DOCK1: variants seen among roughly 807,000 people sequenced by gnomAD.
The protein encoded by DOCK1 is dedicator of cytokinesis protein 1.
A neutral mutation model predicts 262.7 loss-of-function variants in DOCK1; 138 were observed. That is an observed-to-expected ratio of 0.53 (90% CI 0.46 to 0.61). DOCK1 has a LOEUF of 0.61. DOCK1 is among the 20% of genes least tolerant of loss of function. The pLI is 0.00. For missense variants in DOCK1, 1,908 were observed against 2,370.7 expected (o/e 0.80, Z 4.05); for synonymous variants, 866 against 867.4 (o/e 1.00, Z 0.03).
At chr10:127,146,936 C>T (rs942141750) in intron 27 of DOCK1, among the ~76,000 whole-genome samples, 5 of 152,152 alleles carry the variant, frequency 3.3e-5, no homozygotes, top group African/African-American at 1.2e-4. Flanking sequence ...ACTATCCTGA[C>T]CAGCTTTCTT....
intron 18 of DOCK1, among the ~76,000 whole-genome samples, chr10:127,033,801 C>T (rs2043402772): frequency 6.6e-6 from 1 of 152,064 alleles, no homozygotes; most frequent in African/African-American, 2.4e-5. Context: ...GGCATGCGAG[C>T]CCTGGGTCAA....
chr10:127,184,070 T>C (rs2055989482), intron 27 of DOCK1, among the ~76,000 whole-genome samples: 1 of 152,168 alleles, frequency 6.6e-6, no homozygotes. Flanking sequence ...CAGTGGTCTT[T>C]CTTGGGAAGC....
At chr10:126,961,713 G>A (rs2037236850) in intron 1 of DOCK1, among the ~76,000 whole-genome samples, 1 of 152,214 alleles carries the variant, frequency 6.6e-6, no homozygotes, top group Non-Finnish European at 1.5e-5. Context: ...TCCACTGTAT[G>A]TATGTGTAAC....
At chr10:127,237,075 T>C (rs1329661544) in intron 27 of DOCK1, among the ~76,000 whole-genome samples, 1 of 152,168 alleles carries the variant, frequency 6.6e-6, no homozygotes, top group Non-Finnish European at 1.5e-5. Flanking sequence ...CCAAAAAATA[T>C]TGGCCGGGCG....
intron 29 of DOCK1, among the ~76,000 whole-genome samples, chr10:127,271,074 T>A (rs2060550362): frequency 6.6e-6 from 1 of 152,014 alleles, no homozygotes; most frequent in South Asian, 2.1e-4. Context: ...ATAAGATCCT[T>A]GGGTCAGGTA....
intron 1 of DOCK1, among the ~76,000 whole-genome samples, chr10:126,952,272 T>A (rs1447569518): frequency 1.3e-5 from 2 of 152,044 alleles, no homozygotes; most frequent in African/African-American, 4.8e-5. Flanking sequence ...AGCATTGTTA[T>A]TGTTCATAGT....
chr10:127,418,123 C>A (rs2068270376), intron 44 of DOCK1, among the ~76,000 whole-genome samples: 1 of 152,170 alleles, frequency 6.6e-6, no homozygotes, highest in Non-Finnish European at 1.5e-5. Context: ...ATGTGCATAG[C>A]CACATGCACA....
chr10:126,941,970 T>C lies in DOCK1; in HGVS notation c.47-28732T>C, dbSNP rs1054250561. Among the ~76,000 whole-genome samples, 28 of 152,206 alleles carry C rather than the reference T, an allele frequency of 1.8e-4. No homozygotes were observed. In the East Asian group the frequency reaches 2.5e-3, roughly 14 times the overall value. The stretch of plus-strand genomic sequence containing the variant: ...TTTAAAGGATTCTAAAGTCACATCA[T>C]GAGGAGGGGAGAGCCAAGAGGGTGT... On this transcript the variant is annotated intron_variant, in intron 1 of 51. Transcript: ENST00000623213.
chr10:127,228,910 T>C (rs1403733715), intron 27 of DOCK1, among the ~76,000 whole-genome samples: 3 of 152,206 alleles, frequency 2.0e-5, no homozygotes, highest in African/African-American at 7.2e-5. Flanking sequence ...CACATACTTA[T>C]TTTTCACGTG....
At chr10:127,188,879 G>A (rs972168449) in intron 27 of DOCK1, among the ~76,000 whole-genome samples, 4 of 152,242 alleles carry the variant, frequency 2.6e-5, no homozygotes, top group Admixed American at 2.6e-4. Flanking sequence ...CAGAGGCACA[G>A]GTAGTGGAGT....
chr10:127,354,526 G>A, intron 31 of DOCK1, 143 bp from the exon 32 acceptor site: 1 of 836,978 alleles, frequency 1.2e-6, no homozygotes, highest in East Asian at 2.7e-5. Context: ...GATTCATTTT[G>A]GTGGCAAGAG....
intron 37 of DOCK1, among the ~76,000 whole-genome samples, chr10:127,383,866 G>GT (rs2065954783): frequency 6.6e-6 from 1 of 152,172 alleles, no homozygotes; most frequent in Non-Finnish European, 1.5e-5. Context: ...CCTCCTGCCC[G>GT]TAGGTGCCCA....
intron 29 of DOCK1, among the ~76,000 whole-genome samples, chr10:127,307,572 G>A (rs369357039): frequency 3.3e-5 from 5 of 152,236 alleles, no homozygotes; most frequent in East Asian, 3.9e-4. Flanking sequence ...GATCCTTCCC[G>A]GGCCTGGCCT....
intron 27 of DOCK1, among the ~76,000 whole-genome samples, chr10:127,186,549 C>A (rs949183308): frequency 3.5e-5 from 5 of 142,786 alleles, no homozygotes; most frequent in Non-Finnish European, 7.5e-5. Context: ...CACCCAGTTC[C>A]ACCCTTGACA....
chr10:127,384,351 G>C (rs146913456), intron 37 of DOCK1, among the ~76,000 whole-genome samples: 2 of 152,170 alleles, frequency 1.3e-5, no homozygotes, highest in African/African-American at 4.8e-5. Context: ...TAAGGAGCTT[G>C]ACAGCCTTTC....
intron 23 of DOCK1, among the ~76,000 whole-genome samples, chr10:127,098,466 G>A (rs896017453): frequency 6.6e-6 from 1 of 152,166 alleles, no homozygotes; most frequent in Non-Finnish European, 1.5e-5. Flanking sequence ...TGTGGCCAAC[G>A]TCTGTTGAGC....
At chr10:127,428,500 T>C (rs12355357) in intron 47 of DOCK1, among the ~76,000 whole-genome samples, 1,359 of 128,646 alleles carry the variant, frequency 0.011, 1 homozygote, top group Non-Finnish European at 0.016. Flanking sequence ...GATTGGGGTG[T>C]CGTGTGGATT....
At chr10:126,940,629 C>T (rs2034913637) in intron 1 of DOCK1, among the ~76,000 whole-genome samples, 1 of 152,142 alleles carries the variant, frequency 6.6e-6, no homozygotes, top group African/African-American at 2.4e-5. Flanking sequence ...GTCTCGAACT[C>T]CTGACCTCAA....
At chr10:127,302,741 G>GT (rs1554944046) in intron 29 of DOCK1, among the ~76,000 whole-genome samples, 22,708 of 107,802 alleles carry the variant, frequency 0.21, 2,040 homozygotes, top group Non-Finnish European at 0.24. Context: ...GAAAAGAGGG[G>GT]GTGTGTGTGT....
Sources: allele counts gnomAD v4.1 joint callset (sites outside exome capture counted in the v4.1 genomes callset), GRCh38; gene constraint gnomAD v4.1.1; transcripts MANE v1.5; gene names NCBI Gene and HGNC (gene_info 2026-07-23, HGNC 2026-07-21).